The following PCDH15 variants were observed in gnomAD, a reference collection of about 807,000 sequenced individuals.
The protein encoded by PCDH15 is protocadherin related 15.
In PCDH15, 129 loss-of-function variants were observed where a neutral mutation model predicts 178.5. The observed-to-expected ratio is 0.72, with a 90% CI of 0.63 to 0.84. The LOEUF (loss-of-function observed/expected upper bound fraction) is 0.84, where lower values mean the gene tolerates loss of function less well. Ranked by LOEUF, PCDH15 falls within the 40% of genes least tolerant of loss-of-function variation. The pLI, the probability that PCDH15 is intolerant of heterozygous loss-of-function variation, is 0.00. For synonymous variants in PCDH15, 800 were observed against 732.0 expected, an observed-to-expected ratio of 1.09 and a Z score of -1.50; for missense variants, 2,230 against 2,099.9, an observed-to-expected ratio of 1.06 and a Z score of -1.21.
chr10:54,986,452 C>T (rs1839366623), intron 2 of PCDH15, among the ~76,000 whole-genome samples: 1 of 152,034 alleles, frequency 6.6e-6, no homozygotes, highest in Non-Finnish European at 1.5e-5. Context: ...CTGAATTTTC[C>T]CACTAGACAT....
At chr10:54,904,038 T>A (rs778456101) in intron 2 of PCDH15, among the ~76,000 whole-genome samples, 18 of 152,214 alleles carry the variant, frequency 1.2e-4, no homozygotes, top group Non-Finnish European at 2.2e-4. Flanking sequence ...TTAGTTAGGA[T>A]GCTGTCCTAT....
chr10:55,215,638 G>A (rs1016511453), intron 1 of PCDH15, among the ~76,000 whole-genome samples: 1 of 151,994 alleles, frequency 6.6e-6, no homozygotes, highest in Non-Finnish European at 1.5e-5. Flanking sequence ...ATTGATAAGT[G>A]TTGTATGTAT....
intron 1 of PCDH15, among the ~76,000 whole-genome samples, chr10:54,697,668 G>GGAAGGAA (rs59004193): frequency 1.2e-4 from 11 of 92,638 alleles, no homozygotes; most frequent in African/African-American, 1.8e-4. Flanking sequence ...AAGGGGAAGG[G>GGAAGGAA]GGAAGGGGAA....
chr10:54,309,432 T>C (rs543138891), intron 8 of PCDH15, among the ~76,000 whole-genome samples: 1 of 152,150 alleles, frequency 6.6e-6, no homozygotes, highest in Non-Finnish European at 1.5e-5. Context: ...TTCATATTTA[T>C]ATTCAATGAC....
intron 17 of PCDH15, among the ~76,000 whole-genome samples, chr10:54,077,657 T>C (rs1487753924): frequency 2.0e-5 from 3 of 152,212 alleles, no homozygotes; most frequent in Non-Finnish European, 4.4e-5. Flanking sequence ...CTCTCACTTA[T>C]TGCCTAGCCG....
At chr10:55,193,075 C>T (rs1591979538) in intron 1 of PCDH15, among the ~76,000 whole-genome samples, 2 of 148,750 alleles carry the variant, frequency 1.3e-5, no homozygotes, top group African/African-American at 5.0e-5. Flanking sequence ...AATTTACTTG[C>T]TACTTTGTGT....
intron 8 of PCDH15, among the ~76,000 whole-genome samples, chr10:54,243,973 T>C (rs2055671483): frequency 1.3e-5 from 2 of 152,170 alleles, no homozygotes; most frequent in Non-Finnish European, 2.9e-5. Context: ...CTCAAATGGT[T>C]TTGACAATTA....
At chr10:54,282,826 C>T (rs565814798) in intron 8 of PCDH15, among the ~76,000 whole-genome samples, 1 of 152,100 alleles carries the variant, frequency 6.6e-6, no homozygotes, top group Non-Finnish European at 1.5e-5. Context: ...GATTTAGAAA[C>T]TTTAACAAGT....
intron 1 of PCDH15, among the ~76,000 whole-genome samples, chr10:55,262,371 T>A (rs1045534820): frequency 6.6e-6 from 1 of 152,152 alleles, no homozygotes; most frequent in Non-Finnish European, 1.5e-5. Context: ...TTTTTGTGCC[T>A]AAATGTTGCA....
intron 2 of PCDH15, among the ~76,000 whole-genome samples, chr10:54,944,818 C>A (rs557464689): frequency 3.3e-5 from 5 of 151,732 alleles, no homozygotes; most frequent in Non-Finnish European, 4.4e-5. Context: ...GTGGTGAAAC[C>A]TTAAAAGTCT....
At chr10:54,235,185 T>C (rs2134365643) in intron 9 of PCDH15, among the ~76,000 whole-genome samples, 1 of 152,352 alleles carries the variant, frequency 6.6e-6, no homozygotes, top group East Asian at 1.9e-4. Context: ...AATCCTCCTC[T>C]GCTTTTCCAA....
At chr10:54,929,437 A>G (rs188211855) in intron 2 of PCDH15, among the ~76,000 whole-genome samples, 25 of 152,204 alleles carry the variant, frequency 1.6e-4, no homozygotes, top group Admixed American at 7.2e-4. Flanking sequence ...TCTTATATGC[A>G]ATTTTTTTGT....
chr10:54,879,358 A>G (rs1166257668), intron 3 of PCDH15, among the ~76,000 whole-genome samples: 2 of 152,098 alleles, frequency 1.3e-5, no homozygotes, highest in Admixed American at 1.3e-4. Context: ...TCTCAAACAT[A>G]TTTTTACAAA....
chr10:55,078,040 A>T (rs1384302663), intron 2 of PCDH15, among the ~76,000 whole-genome samples: 1 of 152,094 alleles, frequency 6.6e-6, no homozygotes, highest in Non-Finnish European at 1.5e-5. Context: ...ATTTGCTTTC[A>T]GGGAAAGGCT....
chr10:55,288,994 T>C (rs1277741794), intron 1 of PCDH15, among the ~76,000 whole-genome samples: 2 of 152,000 alleles, frequency 1.3e-5, no homozygotes, highest in East Asian at 3.9e-4. Flanking sequence ...CTATTTAAAT[T>C]TTATAATTTG....
Position 54,090,031 on chromosome 10 carries a change from A to T in PCDH15, c.1950T>A (p.Tyr650Ter). Residue 650 changes from tyrosine (Y) to a stop codon, truncating the protein, a stop_gained, in exon 16 of 38, where the codon TAT (tyrosine) becomes TAA (stop). Coordinates refer to ENST00000644397, the MANE Select transcript of PCDH15 (RefSeq NM_001384140.1). LOFTEE classifies it high-confidence loss of function. ...TCTGAGGATCTCCATTCTCAATGGC[A>T]TATGTTATTGAGTCTCCCTCTCGAT... is the stretch of plus-strand genomic sequence containing the variant. ...ATDREGDSIT[Y>*]AIENGDPQRV... 6.2e-7 allele frequency: 1 copy of T among 1,612,554 alleles called. No individual in the cohort carries two copies. The highest frequency in any genetic ancestry group is 8.5e-7 in the Non-Finnish European group (1 of 1,178,930).
chr10:55,061,177 T>G (rs374714028), intron 2 of PCDH15, among the ~76,000 whole-genome samples: 3 of 152,216 alleles, frequency 2.0e-5, no homozygotes, highest in African/African-American at 4.8e-5. Context: ...TCTAATAAAG[T>G]AATGTTAGGC....
At chr10:54,023,227 T>C (rs1369535393) in intron 18 of PCDH15, 30 bp from the exon 19 acceptor site, 1 of 1,599,140 alleles carries the variant, frequency 6.3e-7, no homozygotes. Context: ...AACAAAAAAA[T>C]TCACGTAAGT....
At chr10:55,187,491 T>C (rs373909435) in intron 1 of PCDH15, among the ~76,000 whole-genome samples, 3 of 151,866 alleles carry the variant, frequency 2.0e-5, no homozygotes, top group African/African-American at 7.2e-5. Context: ...GTGAAAGCCA[T>C]GTTGAAAAGA....
Sources: gnomAD v4.1 joint callset for allele counts (sites outside exome capture counted in the v4.1 genomes callset) on GRCh38, gnomAD v4.1.1 for gene constraint, MANE v1.5 for transcripts, NCBI Gene and HGNC (gene_info 2026-07-23, HGNC 2026-07-21) for gene names.